Variants in CASTOR1 observed in about 807,000 individuals in gnomAD.
The protein encoded by CASTOR1 is GATS protein like 3.
CASTOR1 carries 18 observed loss-of-function variants against 33.7 expected under a neutral mutation model. That is an observed-to-expected ratio of 0.53 (90% CI 0.37 to 0.79). The LOEUF is 0.79. Ranked by LOEUF, CASTOR1 falls within the 30% of genes least tolerant of loss-of-function variation. CASTOR1 has a pLI of 0.00. For missense variants in CASTOR1, 362 were observed against 446.3 expected (o/e 0.81, Z 1.70); for synonymous variants, 175 against 190.6 (o/e 0.92, Z 0.67).
At chr22:30,287,309 A>G (rs957677237) in intron 3 of CASTOR1, 22 bp from the exon 4 acceptor site, 22 of 1,575,258 alleles carry the variant, frequency 1.4e-5, no homozygotes, top group African/African-American at 1.3e-5. Flanking sequence ...CAGATGGCAC[A>G]TCACATGGGC....
chr22:30,287,604 C>T, intron 2 of CASTOR1, 44 bp from the exon 3 acceptor site: 5 of 1,532,740 alleles, frequency 3.3e-6, no homozygotes, highest in Non-Finnish European at 4.4e-6. Context: ...CAAGGCTGGC[C>T]CCTGCCCCTC....
At chr22:30,289,168 C>T in intron 1 of CASTOR1, 1 of 586,222 alleles carries the variant, frequency 1.7e-6, no homozygotes, top group Non-Finnish European at 3.0e-6. Flanking sequence ...CATTGCCCAT[C>T]CCAGGCTGTT....
chr22:30,289,352 C>A (rs1469501847), intron 1 of CASTOR1, 33 bp downstream of exon 1: 2 of 1,435,762 alleles, frequency 1.4e-6, no homozygotes, highest in East Asian at 2.3e-5. Flanking sequence ...GAGCCCCCAG[C>A]CCCTATCTGC....
Position 30,287,382 on chromosome 22 carries a change from G to A in CASTOR1, c.363C>T (p.Asp121=), listed in dbSNP as rs2145753202. ...CCAGCAGGAAACTCACCAGGATGAAGTCCGTCTGGTAAGTGGACAGCATCA... is the reference window on the plus strand; with the variant it reads ...CCAGCAGGAAACTCACCAGGATGAAATCCGTCTGGTAAGTGGACAGCATCA... ...SVLMLSTYQT[D]FILVREQDLS... Residue 121 remains aspartate, a synonymous_variant, in exon 3 of 9, where the codon GAC becomes GAT. Transcript: ENST00000407689. 6.2e-7 allele frequency: 1 copy of A among 1,611,768 alleles called. No homozygotes were observed. The highest frequency in any genetic ancestry group is 8.5e-7 in the Non-Finnish European group (1 of 1,178,804).
Position 30,287,165 on chromosome 22 carries a change from GC to G in CASTOR1, c.494del (p.Arg165ProfsTer38), listed in dbSNP as rs1219922696. 2 of 1,610,562 alleles carry G rather than the reference GC, an allele frequency of 1.2e-6. No homozygotes were observed. Among genetic ancestry groups the G allele is most frequent in the African/African-American group, 2.7e-5 (2 of 74,862 alleles). ...GGGGGCGGCCCTCACCATGCTGAGTGCGGGGAAAGCCATTGCTGGAATCATC... is the reference window on the plus strand; with the variant it reads ...GGGGGCGGCCCTCACCATGCTGAGTGGGGGAAAGCCATTGCTGGAATCATC... The part of the protein sequence containing the change: ...TRDDSSNGFP[R>X]TQHGPSPTVH... On this transcript the variant is annotated frameshift_variant, in exon 4 of 9. Transcript: ENST00000407689. LOFTEE classifies it high-confidence loss of function.
At chr22:30,286,501 G>A in intron 5 of CASTOR1, 125 bp from the exon 6 acceptor site, 1 of 722,736 alleles carries the variant, frequency 1.4e-6, no homozygotes, top group Non-Finnish European at 2.4e-6. Context: ...TGCCATATCT[G>A]CTACCCGCCC....
chr22:30,288,966 C>A lies in CASTOR1; in HGVS notation c.114-190G>T, dbSNP rs545417610. 32 of 571,410 alleles carry A rather than the reference C, an allele frequency of 5.6e-5. No individual in the cohort carries two copies. The East Asian group carries it at 9.4e-4, about 17-fold the overall frequency. 35.4% of individuals were successfully genotyped at this position (571,410 alleles called of 1,614,324 possible). A position where few individuals can be genotyped will look rare whatever the true frequency, so the allele number is the denominator to read the frequency against. On this transcript the variant is annotated intron_variant, in intron 1 of 8. Transcript: ENST00000407689. ...GGGTTGGGGGCTACTTTCCGGCCTC[C>A]CGACCTCTCCAGGAACCCTCCACCC...
Position 30,286,941 on chromosome 22 carries a change from G to A in CASTOR1, c.513C>T (p.Ser171=). Residue 171 remains serine, a synonymous_variant, in exon 5 of 9, where the codon AGC becomes AGT. Coordinates refer to ENST00000407689, the MANE Select transcript of CASTOR1 (RefSeq NM_001037666.3). ...NGFPRTQHGP[S]PTVHPIQSPQ... ...GGCTCTGGATGGGATGCACCGTGGG[G>A]CTGGGCCCTGCTGGAGGACAGCAGC... 1 of 1,611,080 alleles carries A rather than the reference G, an allele frequency of 6.2e-7. No individual in the cohort carries two copies. Among genetic ancestry groups the A allele is most frequent in the Non-Finnish European group, 8.5e-7 (1 of 1,177,916 alleles).
chr22:30,285,676 C>T lies in CASTOR1; in HGVS notation c.934G>A (p.Gly312Ser), dbSNP rs778151331. 7 of 1,567,036 alleles carry T rather than the reference C, an allele frequency of 4.5e-6. No individual in the cohort carries two copies. The highest frequency in any genetic ancestry group is 5.2e-6 in the Non-Finnish European group (6 of 1,156,270). ...AGGACCTCGATGACGCTGCCGATACCGTCCTCGGGCACCTGAGGGCAGGTG... is the reference window on the plus strand; with the variant it reads ...AGGACCTCGATGACGCTGCCGATACTGTCCTCGGGCACCTGAGGGCAGGTG... ...NFDHALVPED[G>S]IGSVIEVLQR... The change falls in exon 9 of 9, where the codon GGT becomes AGT. Residue 312 changes from glycine (G) to serine (S), a missense_variant. Transcript: ENST00000407689.
intron 2 of CASTOR1, 171 bp from the exon 3 acceptor site, chr22:30,287,731 G>T: frequency 1.4e-6 from 1 of 732,898 alleles, no homozygotes; most frequent in Non-Finnish European, 2.4e-6. Context: ...GGCTTCAAGT[G>T]CTGGCCTGGT....
At position 30,286,036 on chromosome 22, in the gene CASTOR1, C is replaced by T. The variant is rs572104208; in HGVS notation, c.806G>A (p.Gly269Asp). The T allele has an allele frequency of 1.3e-6, 2 of 1,590,872 alleles. No homozygotes were observed. The highest frequency in any genetic ancestry group is 2.2e-5 in the East Asian group (1 of 44,536). Reference protein sequence around the residue: ...SGELWRMVRIGGQPLGFDECG... With the variant: ...SGELWRMVRIDGQPLGFDECG... ...CTCACCAAAGCCCAGGGGCTGTCCA[C>T]CGATGCGCACCATCCTCCACAGCTC... is the stretch of plus-strand genomic sequence containing the variant. Residue 269 changes from glycine (G) to aspartate (D), a missense_variant, in exon 7 of 9, where the codon GGT becomes GAT. Physicochemically the swap from Gly to Asp is moderately conservative, Grantham distance 94 (BLOSUM62 -1). Transcript: ENST00000407689.
chr22:30,288,694 A>C lies in CASTOR1; in HGVS notation c.184+12T>G. The stretch of plus-strand genomic sequence containing the variant: ...CCCCTCCCGTACTCCCGTTCCCCAG[A>C]CCAACCCCCACCTTTAAAGCCCTCC... On this transcript the variant is annotated intron_variant, in intron 2 of 8. Coordinates refer to ENST00000407689, the MANE Select transcript of CASTOR1 (RefSeq NM_001037666.3). The C allele has an allele frequency of 6.2e-7, 1 of 1,610,220 alleles. No individual in the cohort carries two copies. Among genetic ancestry groups the C allele is most frequent in the Non-Finnish European group, 8.5e-7 (1 of 1,177,966 alleles).
chr22:30,288,207 A>C (rs1385241106), intron 2 of CASTOR1, among the ~76,000 whole-genome samples: 6 of 152,204 alleles, frequency 3.9e-5, no homozygotes, highest in Non-Finnish European at 8.8e-5. Flanking sequence ...GGTGGCTGCT[A>C]TTCACCCCAG....
rs1929855443 is a variant in CASTOR1, at chr22:30,288,835, A to G, written c.114-59T>C. 2.4e-5 allele frequency: 34 copies of G among 1,431,786 alleles called. No individual in the cohort carries two copies. The South Asian group carries it at 4.2e-4, about 18-fold the overall frequency. 88.7% of individuals were successfully genotyped at this position (1,431,786 alleles called of 1,614,324 possible). On this transcript the variant is annotated intron_variant, in intron 1 of 8. Transcript: ENST00000407689. ...GTGGAGAACTAGGGGTCGGGAGTGG[A>G]TTTCTCTCCATCTGCCCCGAGACAC...
In CASTOR1 at chr22:30,286,854, G is replaced by A; in HGVS notation, c.600C>T (p.Thr200=). Residue 200 remains threonine (T), a synonymous_variant, in exon 5 of 9, where the codon ACC becomes ACT. Transcript: ENST00000407689. ...DPETLPAIAT[T]LIDVLFYSHS... is the part of the protein sequence containing the mutation. The stretch of plus-strand genomic sequence containing the variant: ...GCGAGTAGAAGAGGACATCTATGAG[G>A]GTGGTGGCGATGGCTGGAAGCGTCT... The A allele has an allele frequency of 6.2e-7, 1 of 1,614,234 alleles. No individual in the cohort carries two copies. The highest frequency in any genetic ancestry group is 8.5e-7 in the Non-Finnish European group (1 of 1,180,044).
Position 30,287,248 on chromosome 22 carries a change from C to T in CASTOR1, c.412G>A (p.Ala138Thr). Residue 138 changes from alanine to threonine, a missense_variant, in exon 4 of 9, where the codon GCC becomes ACC. Physicochemically the swap from Ala to Thr is moderately conservative, Grantham distance 58. Transcript: ENST00000407689. Reference sequence around the variant, plus strand: ...TCGCGGTAAATGTCGAACTCCTGGGCCAGCGTGTGGATCACCACGGACAGG... The same window carrying T: ...TCGCGGTAAATGTCGAACTCCTGGGTCAGCGTGTGGATCACCACGGACAGG... Reference protein sequence around the residue: ...QDLSVVIHTLAQEFDIYREVG... With the variant: ...QDLSVVIHTLTQEFDIYREVG... 6.3e-7 allele frequency: 1 copy of T among 1,584,134 alleles called. No homozygotes were observed. Among genetic ancestry groups the T allele is most frequent in the Non-Finnish European group, 8.6e-7 (1 of 1,162,900 alleles).
chr22:30,288,290 G>A (rs1019232640), intron 2 of CASTOR1, among the ~76,000 whole-genome samples: 1 of 151,918 alleles, frequency 6.6e-6, no homozygotes, highest in Non-Finnish European at 1.5e-5. Flanking sequence ...TCAGACTCCT[G>A]GAGTTTCCAG....
chr22:30,287,566 G>T lies in CASTOR1; in HGVS notation c.185-6C>A, dbSNP rs1393575134. On this transcript the variant is annotated splice_region_variant and splice_polypyrimidine_tract_variant and intron_variant, in intron 2 of 8. Coordinates refer to ENST00000407689, the MANE Select transcript of CASTOR1 (RefSeq NM_001037666.3). ...GAACTCAGATGGGGGCAGCTCTGTG[G>T]GCAGGGGACATGTCAGGTCAGGGTC... The T allele has an allele frequency of 6.2e-7, 1 of 1,606,930 alleles. No homozygotes were observed. Among genetic ancestry groups the T allele is most frequent in the African/African-American group, 1.3e-5 (1 of 74,946 alleles).
rs780821080 is a variant in CASTOR1, at chr22:30,286,906, C to T, written c.548G>A (p.Arg183His). The T allele has an allele frequency of 5.6e-6, 9 of 1,614,094 alleles. No homozygotes were observed. The highest frequency in any genetic ancestry group is 1.7e-5 in the Admixed American group (1 of 60,026). The change falls in exon 5 of 9, where the codon CGC (arginine) becomes CAC (histidine). Residue 183 changes from arginine (R) to histidine (H), a missense_variant. Coordinates refer to ENST00000407689, the MANE Select transcript of CASTOR1 (RefSeq NM_001037666.3). ...AGGGTCCAGTGTGAGGACACAGAAG[C>T]GGTTCTGTGGGCTCTGGATGGGATG... ...TVHPIQSPQN[R>H]FCVLTLDPET...
Sources: gnomAD v4.1 joint callset for allele counts (sites outside exome capture counted in the v4.1 genomes callset) on GRCh38, gnomAD v4.1.1 for gene constraint, MANE v1.5 for transcripts, NCBI Gene and HGNC (gene_info 2026-07-23, HGNC 2026-07-21) for gene names.